The following MYBPC1 variants were observed in gnomAD, a reference collection of about 807,000 sequenced individuals.
MYBPC1 encodes myosin-binding protein C, slow-type.
A neutral mutation model predicts 147.1 loss-of-function variants in MYBPC1; 52 were observed. The ratio of observed to expected loss-of-function variants is 0.35; its 90% confidence interval spans 0.28 to 0.45. MYBPC1 has a LOEUF of 0.45. MYBPC1 is among the 20% of genes least tolerant of loss of function. MYBPC1 has a pLI of 1.00. For missense variants in MYBPC1, 1,228 were observed against 1,440.3 expected (o/e 0.85, Z 2.39); for synonymous variants, 477 against 475.9 (o/e 1.00, Z -0.03).
In MYBPC1 at chr12:101,624,121, C is replaced by T. The variant is rs142973005; in HGVS notation, c.104-2751C>T. ...ACAATAAAATACAAGCATTTAATTCCAGCCTAGCATTTTTCAAGCTTCTTT... is the reference window on the plus strand; with the variant it reads ...ACAATAAAATACAAGCATTTAATTCTAGCCTAGCATTTTTCAAGCTTCTTT... On this transcript the variant is annotated intron_variant, in intron 3 of 31. Transcript: ENST00000361466. Among the ~76,000 whole-genome samples the T allele has an allele frequency of 3.3e-5, 5 of 152,168 alleles. No homozygotes were observed. The East Asian group carries it at 9.6e-4, about 29-fold the overall frequency.
downstream of MYBPC1, among the ~76,000 whole-genome samples, chr12:101,688,981 A>G (rs981191800): frequency 1.3e-5 from 2 of 151,392 alleles, no homozygotes; most frequent in Non-Finnish European, 1.5e-5. Flanking sequence ...AAAAGAAAAA[A>G]AAAGAGGTAC....
chr12:101,664,176 AC>A (rs1259370961), intron 22 of MYBPC1, among the ~76,000 whole-genome samples: 1 of 152,236 alleles, frequency 6.6e-6, no homozygotes, highest in African/African-American at 2.4e-5. Flanking sequence ...GGGAAGAGAA[AC>A]AAGGCCATAA....
rs534076720 is a variant in MYBPC1, at chr12:101,679,413, G to C, written c.3247-930G>C. 2.0e-5 allele frequency among the ~76,000 whole-genome samples: 3 copies of C among 152,234 alleles called. No individual in the cohort carries two copies. In the South Asian group the frequency reaches 6.2e-4, roughly 32 times the overall value. ...GCTCAGTGATCGCTCCCATTTGACGGGTGGAAGGAAGAAGAAGACTGTGTG... is the reference window on the plus strand; with the variant it reads ...GCTCAGTGATCGCTCCCATTTGACGCGTGGAAGGAAGAAGAAGACTGTGTG... On this transcript the variant is annotated intron_variant, in intron 28 of 31. Coordinates refer to ENST00000361466, the MANE Select transcript of MYBPC1 (RefSeq NM_002465.4).
chr12:101,672,846 CA>C (rs61117675), intron 24 of MYBPC1, among the ~76,000 whole-genome samples: 30 of 147,316 alleles, frequency 2.0e-4, no homozygotes, highest in African/African-American at 4.2e-4. Context: ...CAAACTCTGT[CA>C]AAAAAAAAAA....
rs1444996568 is a variant in MYBPC1 at position 101,642,577 on chromosome 12, A to C, written c.824A>C (p.Lys275Thr). Reference protein sequence around the residue: ...RLKRMRREEKKSAAFAKILDP... With the variant: ...RLKRMRREEKTSAAFAKILDP... ...AAGCGCATGCGCAGAGAGGAGAAGA[A>C]GAGCGCAGGTGAGCGCTCCCGGGGG... Residue 275 changes from lysine to threonine, a missense_variant, in exon 11 of 32, where the codon AAG becomes ACG. Lys to Thr is a moderately conservative substitution (Grantham distance 78). Transcript: ENST00000361466. The C allele has an allele frequency of 2.5e-6, 4 of 1,611,016 alleles. No individual in the cohort carries two copies. Among genetic ancestry groups the C allele is most frequent in the East Asian group, 2.2e-5 (1 of 44,786 alleles).
chr12:101,674,862 CAAAAAAAAAAAA>C (rs62824364), intron 25 of MYBPC1, among the ~76,000 whole-genome samples: 25 of 59,840 alleles, frequency 4.2e-4, no homozygotes, highest in Non-Finnish European at 5.8e-4. Flanking sequence ...ACTCTGTCTC[CAAAAAAAAAAAA>C]AAAAAAAAAA....
Position 101,631,997 on chromosome 12 carries a change from G to A in MYBPC1, c.439-24G>A, listed in dbSNP as rs952619530. The A allele has an allele frequency of 2.6e-6, 4 of 1,530,390 alleles. No individual in the cohort carries two copies. In the African/African-American group the frequency reaches 4.1e-5, roughly 16 times the overall value. 94.8% of individuals were successfully genotyped at this position (1,530,390 alleles called of 1,614,324 possible). On this transcript the variant is annotated intron_variant, in intron 7 of 31. Coordinates refer to ENST00000361466, the MANE Select transcript of MYBPC1 (RefSeq NM_002465.4). ...ATTTGGAAAATAAACTGAAATGTGT[G>A]TGTCTGGATGCATTTCATTGCAGGT...
At chr12:101,610,882 C>G (rs1183844265) in intron 1 of MYBPC1, among the ~76,000 whole-genome samples, 2 of 152,148 alleles carry the variant, frequency 1.3e-5, no homozygotes, top group Non-Finnish European at 2.9e-5. Context: ...CTGAGTCAAG[C>G]AAGCCTGGAT....
chr12:101,614,593 T>G, intron 2 of MYBPC1, 62 bp downstream of exon 2: 1 of 1,574,342 alleles, frequency 6.4e-7, no homozygotes. Context: ...CATCCCAGCA[T>G]GATTTGGCCT....
rs1354388155 is a variant in MYBPC1, at chr12:101,682,530, G to GTTGAGTTGTGAA, written c.3434-73_3434-62dup. The GTTGAGTTGTGAA allele has an allele frequency of 3.6e-6, 5 of 1,393,330 alleles. No individual in the cohort carries two copies. The African/African-American group carries it at 5.7e-5, about 16-fold the overall frequency. The allele number at this position is 1,393,330 out of a possible 1,614,324, so 86.3% of individuals were successfully genotyped here. A position where few individuals can be genotyped will look rare whatever the true frequency, so the allele number is the denominator to read the frequency against. On this transcript the variant is annotated intron_variant, in intron 29 of 31. Coordinates refer to ENST00000361466, the MANE Select transcript of MYBPC1 (RefSeq NM_002465.4). ...TCTGATAATAGGTAACTTGAATCAAGTTGAGTTGTGAAAAAAGGTAAGAAT... is the reference window on the plus strand; with the variant it reads ...TCTGATAATAGGTAACTTGAATCAAGTTGAGTTGTGAATTGAGTTGTGAAAAAAGGTAAGAAT...
At chr12:101,602,469 G>A (rs150128679) in intron 1 of MYBPC1, among the ~76,000 whole-genome samples, 1,905 of 152,116 alleles carry the variant, frequency 0.013, 40 homozygotes, top group Admixed American at 0.065. Flanking sequence ...CACCTGCCTC[G>A]GCCTCCCAAA....
At chr12:101,668,244 G>T (rs1897865766) in intron 23 of MYBPC1, among the ~76,000 whole-genome samples, 1 of 152,096 alleles carries the variant, frequency 6.6e-6, no homozygotes. Flanking sequence ...CAATGAATCT[G>T]CAGGGTCAGA....
Position 101,659,820 on chromosome 12 carries a change from T to C in MYBPC1, c.1916T>C (p.Val639Ala). ...GGAGAGGCACATGCAAGCATCAAGG[T>C]TAAAGTTGTGGGTAAGTCCTCCAGG... ...EAGEAHASIK[V>A]KVVDFPDPPV... Residue 639 changes from valine to alanine, a missense_variant, in exon 19 of 32, where the codon GTT becomes GCT. This residue lies in a region of MYBPC1 where 1,077 missense variants were observed against 1,314.2 expected (regional missense o/e 0.82). Transcript: ENST00000361466. 2 of 1,614,064 alleles carry C rather than the reference T, an allele frequency of 1.2e-6. No homozygotes were observed. The highest frequency in any genetic ancestry group is 1.6e-4 in the Middle Eastern group (1 of 6,062).
intron 25 of MYBPC1, among the ~76,000 whole-genome samples, 174 bp downstream of exon 25, chr12:101,673,796 T>C (rs1023362299): frequency 6.6e-6 from 1 of 152,214 alleles, no homozygotes; most frequent in African/African-American, 2.4e-5. Context: ...CTTACACCTG[T>C]AATCCCAGTA....
At chr12:101,666,652 C>T (rs1187374280) in intron 22 of MYBPC1, 6 of 1,234,504 alleles carry the variant, frequency 4.9e-6, no homozygotes, top group Admixed American at 1.7e-5. Context: ...ACTTTGCATA[C>T]TTTACTAACA....
At chr12:101,598,647 C>T (rs962415466) in intron 1 of MYBPC1, among the ~76,000 whole-genome samples, 1 of 152,132 alleles carries the variant, frequency 6.6e-6, no homozygotes, top group Non-Finnish European at 1.5e-5. Context: ...AATCATGGCT[C>T]ACTGCAAACT....
At chr12:101,644,236 C>T (rs1192060601) in intron 11 of MYBPC1, among the ~76,000 whole-genome samples, 1 of 152,002 alleles carries the variant, frequency 6.6e-6, no homozygotes, top group Non-Finnish European at 1.5e-5. Flanking sequence ...AGGGTTTCCC[C>T]ATGTTGGCCA....
At chr12:101,646,688 C>A in intron 12 of MYBPC1, 75 bp from the exon 13 acceptor site, 1 of 1,548,636 alleles carries the variant, frequency 6.5e-7, no homozygotes, top group South Asian at 1.1e-5. Context: ...AATTATAAGC[C>A]AAATTTGCTG....
At chr12:101,629,629 C>A in intron 6 of MYBPC1, 85 bp downstream of exon 6, 3 of 830,302 alleles carry the variant, frequency 3.6e-6, no homozygotes, top group Non-Finnish European at 5.6e-6. Flanking sequence ...TCCCAGCACT[C>A]TGGGAGGTCC....
Sources: gnomAD v4.1 joint callset for allele counts (sites outside exome capture counted in the v4.1 genomes callset) on GRCh38, gnomAD v4.1.1 for gene constraint, gnomAD v4.1.1 regional missense constraint, MANE v1.5 for transcripts, NCBI Gene and HGNC (gene_info 2026-07-23, HGNC 2026-07-21) for gene names.